NAB1: variants seen among roughly 807,000 people sequenced by gnomAD.
NAB1 encodes NGFI-A binding protein 1, also known as NGFI-A-binding protein 1.
A neutral mutation model predicts 49.9 loss-of-function variants in NAB1; 25 were observed. The observed-to-expected ratio is 0.50, with a 90% CI of 0.37 to 0.70. The LOEUF (loss-of-function observed/expected upper bound fraction) is 0.70, where lower values mean the gene tolerates loss of function less well. NAB1 is among the 30% of genes least tolerant of loss of function. The pLI is 0.00. For missense variants in NAB1, 489 were observed against 575.9 expected (o/e 0.85, Z 1.54); for synonymous variants, 198 against 215.6 (o/e 0.92, Z 0.71).
intron 4 of NAB1, among the ~76,000 whole-genome samples, chr2:190,664,707 C>T (rs1694421596): frequency 7.1e-6 from 1 of 140,046 alleles, no homozygotes; most frequent in Non-Finnish European, 1.5e-5. Flanking sequence ...GTTGGGATTA[C>T]AGACGTGAGC....
rs1262544683 is a variant in NAB1, at chr2:190,654,033, T to A, written c.-196-1944T>A. ...CACAGAAGGCCTCCCCTTTGGAATA[T>A]GAAAGGTTGCTGATCAGATTCTGAC... On this transcript the variant is annotated intron_variant, in intron 2 of 9. Coordinates refer to ENST00000337386, the MANE Select transcript of NAB1 (RefSeq NM_005966.4). This position sits in a 1 kb window ranked among gnomAD's most constrained non-coding sequence, Gnocchi z 5.6. Among the ~76,000 whole-genome samples the A allele has an allele frequency of 2.6e-5, 4 of 152,236 alleles. No individual in the cohort carries two copies. Among genetic ancestry groups the A allele is most frequent in the Admixed American group, 2.6e-4 (4 of 15,288 alleles).
At chr2:190,672,699 G>A (rs1694875154) in intron 5 of NAB1, among the ~76,000 whole-genome samples, 1 of 151,804 alleles carries the variant, frequency 6.6e-6, no homozygotes, top group African/African-American at 2.4e-5. Context: ...TGCTAGGCTG[G>A]GCACAGTGGC....
In NAB1 at chr2:190,682,053, T is replaced by C. The variant is rs546710361; in HGVS notation, c.1006-1685T>C. The stretch of plus-strand genomic sequence containing the variant: ...TTACTAAAACCATGCTGTCATGATA[T>C]TTTGTAGTTATAATGATCATGAGCA... On this transcript the variant is annotated intron_variant, in intron 6 of 9. Transcript: ENST00000337386. The surrounding 1 kb of genome is among the most constrained non-coding windows in gnomAD (Gnocchi z 4.1). Among the ~76,000 whole-genome samples, 110 of 152,312 alleles carry C rather than the reference T, an allele frequency of 7.2e-4. No individual in the cohort carries two copies. Among genetic ancestry groups the C allele is most frequent in the Middle Eastern group, 3.4e-3 (1 of 294 alleles).
chr2:190,688,923 C>T (rs1260558009), intron 9 of NAB1, among the ~76,000 whole-genome samples: 1 of 151,770 alleles, frequency 6.6e-6, no homozygotes, highest in African/African-American at 2.4e-5. Context: ...CACTCCAGCT[C>T]CTCCTCCCGG....
rs1224183134 is a variant in NAB1 at position 190,689,070 on chromosome 2, C to A, written c.1376-1175C>A. Among the ~76,000 whole-genome samples the A allele has an allele frequency of 6.6e-6, 1 of 152,134 alleles. No individual in the cohort carries two copies. Among genetic ancestry groups the A allele is most frequent in the Non-Finnish European group, 1.5e-5 (1 of 68,020 alleles). ...CTCAATCTCCTGACCTTGTGATCCG[C>A]CCGCCTCGGCCCCACAAAGTGCTGG... On this transcript the variant is annotated intron_variant, in intron 9 of 9. Coordinates refer to ENST00000337386, the MANE Select transcript of NAB1 (RefSeq NM_005966.4). This position sits in a 1 kb window ranked among gnomAD's most constrained non-coding sequence, Gnocchi z 4.3.
intron 6 of NAB1, 67 bp from the exon 7 acceptor site, chr2:190,683,671 C>G: frequency 8.8e-7 from 1 of 1,132,974 alleles, no homozygotes; most frequent in Non-Finnish European, 1.3e-6. Flanking sequence ...GCTTTATTTT[C>G]AAGTTTTTGA....
intron 4 of NAB1, among the ~76,000 whole-genome samples, chr2:190,665,006 C>A (rs146539597): frequency 1.9e-4 from 29 of 152,190 alleles, no homozygotes; most frequent in African/African-American, 6.7e-4. Flanking sequence ...ATCGAAAGCT[C>A]TTTTAGGATT....
Position 190,692,509 on chromosome 2 carries a change from T to C in NAB1, c.*2176T>C, listed in dbSNP as rs984538117. On this transcript the variant is annotated 3_prime_UTR_variant, in exon 10 of 10. Transcript: ENST00000337386. This position sits in a 1 kb window ranked among gnomAD's most constrained non-coding sequence, Gnocchi z 5.2. ...TTGCTATACATTAAAGCAAATAATA[T>C]ATATTTTTATTTGAATTGTATATGT... is the stretch of plus-strand genomic sequence containing the variant. 1 of 152,652 alleles carries C rather than the reference T, an allele frequency of 6.6e-6. No individual in the cohort carries two copies. The highest frequency in any genetic ancestry group is 2.4e-5 in the African/African-American group (1 of 41,462). 9.5% of individuals were successfully genotyped at this position (152,652 alleles called of 1,614,324 possible). A position where few individuals can be genotyped will look rare whatever the true frequency, so the allele number is the denominator to read the frequency against.
chr2:190,664,772 C>T (rs753587630), intron 4 of NAB1, among the ~76,000 whole-genome samples: 1 of 151,480 alleles, frequency 6.6e-6, no homozygotes, highest in Admixed American at 6.6e-5. Flanking sequence ...TTATTTTCAG[C>T]CTTTCTGAAT....
In NAB1 at chr2:190,674,449, A is replaced by G. The variant is rs1011263787; in HGVS notation, c.1005+1297A>G. ...TCTAAAGGGGCACCCTCTCCCCAAA[A>G]TCACACTCAGGCTTATTCTCCTGGT... On this transcript the variant is annotated intron_variant, in intron 6 of 9. Coordinates refer to ENST00000337386, the MANE Select transcript of NAB1 (RefSeq NM_005966.4). The surrounding 1 kb of genome is among the most constrained non-coding windows in gnomAD (Gnocchi z 5.7). Among the ~76,000 whole-genome samples, 1 of 151,780 alleles carries G rather than the reference A, an allele frequency of 6.6e-6. No individual in the cohort carries two copies. Among genetic ancestry groups the G allele is most frequent in the Admixed American group, 6.6e-5 (1 of 15,262 alleles).
At position 190,692,626 on chromosome 2, in the gene NAB1, TA is replaced by T. The variant is rs1447039939; in HGVS notation, c.*2294del. 6.6e-6 allele frequency: 1 copy of T among 152,658 alleles called. No individual in the cohort carries two copies. The highest frequency in any genetic ancestry group is 1.9e-4 in the East Asian group (1 of 5,206). The allele number at this position is 152,658 out of a possible 1,614,324, so 9.5% of individuals were successfully genotyped here. A position where few individuals can be genotyped will look rare whatever the true frequency, so the allele number is the denominator to read the frequency against. Reference sequence around the variant, plus strand: ...TTGGTTACCTCAGTATTACAGCCAATATAGTCCAAGGGACCATTTCTCCCCG... The same window carrying T: ...TTGGTTACCTCAGTATTACAGCCAATTAGTCCAAGGGACCATTTCTCCCCG... On this transcript the variant is annotated 3_prime_UTR_variant, in exon 10 of 10. Coordinates refer to ENST00000337386, the MANE Select transcript of NAB1 (RefSeq NM_005966.4). This position sits in a 1 kb window ranked among gnomAD's most constrained non-coding sequence, Gnocchi z 5.2.
In NAB1 at chr2:190,677,292, A is replaced by G. The variant is rs1243497529; in HGVS notation, c.1005+4140A>G. The G allele has an allele frequency of 1.3e-5, 2 of 152,244 alleles. No homozygotes were observed. Among genetic ancestry groups the G allele is most frequent in the Admixed American group, 1.3e-4 (2 of 15,282 alleles). The allele number at this position is 152,244 out of a possible 1,614,324, so 9.4% of individuals were successfully genotyped here. On this transcript the variant is annotated intron_variant, in intron 6 of 9. Transcript: ENST00000337386. The surrounding 1 kb of genome is among the most constrained non-coding windows in gnomAD (Gnocchi z 5.6). Reference sequence around the variant, plus strand: ...TGTTCCTCCTTACAGGGTATGTTAAACATTAAAAAACAGATTTTGAACTTT... The same window carrying G: ...TGTTCCTCCTTACAGGGTATGTTAAGCATTAAAAAACAGATTTTGAACTTT...
rs1331765197 is a variant in NAB1, at chr2:190,691,909, C to T, written c.*1576C>T. 1 of 152,538 alleles carries T rather than the reference C, an allele frequency of 6.6e-6. No homozygotes were observed. Among genetic ancestry groups the T allele is most frequent in the Non-Finnish European group, 1.5e-5 (1 of 68,022 alleles). The allele number at this position is 152,538 out of a possible 1,614,324, so 9.4% of individuals were successfully genotyped here. A position where few individuals can be genotyped will look rare whatever the true frequency, so the allele number is the denominator to read the frequency against. ...TCACTGTCACGTATATAAATTGCTT[C>T]TTCATTTTAATTTGTAGAAGTACTT... On this transcript the variant is annotated 3_prime_UTR_variant, in exon 10 of 10. Transcript: ENST00000337386. This position sits in a 1 kb window ranked among gnomAD's most constrained non-coding sequence, Gnocchi z 4.1.
chr2:190,671,690 G>T (rs562787890), intron 5 of NAB1, among the ~76,000 whole-genome samples: 3 of 149,676 alleles, frequency 2.0e-5, no homozygotes, highest in East Asian at 3.9e-4. Flanking sequence ...CTGCCTTCCC[G>T]CTTCTCAGTT....
chr2:190,659,628 C>G lies in NAB1; in HGVS notation c.452C>G (p.Ala151Gly). The G allele has an allele frequency of 6.2e-7, 1 of 1,614,142 alleles. No individual in the cohort carries two copies. Among genetic ancestry groups the G allele is most frequent in the South Asian group, 1.1e-5 (1 of 91,082 alleles). Residue 151 changes from alanine (A) to glycine (G), a missense_variant, in exon 4 of 10, where the codon GCA becomes GGA. Physicochemically the swap from Ala to Gly is moderately conservative, Grantham distance 60. Transcript: ENST00000337386. The surrounding 1 kb of genome is among the most constrained non-coding windows in gnomAD (Gnocchi z 6.2). ...QGKSDVVGSL[A>G]LQSVGESRLW... is the part of the protein sequence containing the mutation. ...AAGTCAGATGTGGTTGGGAGCCTAG[C>G]ACTGCAGAGTGTTGGTGAGTCCAGA...
rs1402357806 is a variant in NAB1, at chr2:190,659,787, A to G, written c.611A>G (p.Glu204Gly). 2.7e-5 allele frequency: 43 copies of G among 1,614,026 alleles called. No individual in the cohort carries two copies. Among genetic ancestry groups the G allele is most frequent in the Non-Finnish European group, 3.3e-5 (39 of 1,180,008 alleles). Residue 204 changes from glutamate to glycine, a missense_variant, in exon 4 of 10, where the codon GAG (glutamate) becomes GGG (glycine). By Grantham distance (98) the Glu-to-Gly change is moderately conservative (BLOSUM62 -2). Transcript: ENST00000337386. This position sits in a 1 kb window ranked among gnomAD's most constrained non-coding sequence, Gnocchi z 6.2. ...GCGCTCTCTGTGGCTGAGTGTGTGG[A>G]GCGGATGGCCCCCACACTGCCAAAA... ...AAALSVAECV[E>G]RMAPTLPKSD...
intron 4 of NAB1, among the ~76,000 whole-genome samples, chr2:190,664,042 C>T (rs1259083714): frequency 6.6e-6 from 1 of 152,082 alleles, no homozygotes; most frequent in Non-Finnish European, 1.5e-5. Flanking sequence ...GTGTTTTTTA[C>T]GTTTGGAAAC....
In NAB1 at chr2:190,676,837, A is replaced by G. The variant is rs143598890; in HGVS notation, c.1005+3685A>G. On this transcript the variant is annotated intron_variant, in intron 6 of 9. Transcript: ENST00000337386. This position sits in a 1 kb window ranked among gnomAD's most constrained non-coding sequence, Gnocchi z 4.6. ...AAGTGTTCTAAAATCCTTTATAACA[A>G]TAAGCATATGTGCCACATTGCTGGC... 76 of 152,342 alleles carry G rather than the reference A, an allele frequency of 5.0e-4. No individual in the cohort carries two copies. The highest frequency in any genetic ancestry group is 1.7e-3 in the African/African-American group (72 of 41,582). 9.4% of individuals were successfully genotyped at this position (152,342 alleles called of 1,614,324 possible). A position where few individuals can be genotyped will look rare whatever the true frequency, so the allele number is the denominator to read the frequency against.
rs1452716643 is a variant in NAB1, at chr2:190,657,217, G to T, written c.-20+1064G>T. ...TGTAACTCCTGAGAGCTCTGTTTTT[G>T]TGAGTTAGTGCCCAGGTGGATGATA... On this transcript the variant is annotated intron_variant, in intron 3 of 9. Transcript: ENST00000337386. The surrounding 1 kb of genome is among the most constrained non-coding windows in gnomAD (Gnocchi z 4.4). Among the ~76,000 whole-genome samples, 6 of 152,246 alleles carry T rather than the reference G, an allele frequency of 3.9e-5. No individual in the cohort carries two copies. In the South Asian group the frequency reaches 1.2e-3, roughly 32 times the overall value.
Sources: allele counts gnomAD v4.1 joint callset (sites outside exome capture counted in the v4.1 genomes callset), GRCh38; gene constraint gnomAD v4.1.1; non-coding constraint Gnocchi (gnomAD v3.1); transcripts MANE v1.5; gene names NCBI Gene and HGNC (gene_info 2026-07-23, HGNC 2026-07-21).